The following TRPM1 variants were observed in gnomAD, a reference collection of about 807,000 sequenced individuals.
TRPM1 encodes the protein transient receptor potential cation channel subfamily M member 1, also known as TRPM1-203 APA Isoform, Intron 10.
Under a neutral mutation model 149.4 loss-of-function variants are expected in TRPM1, and 113 were observed. The ratio of observed to expected loss-of-function variants is 0.76; its 90% confidence interval spans 0.65 to 0.88. The LOEUF (loss-of-function observed/expected upper bound fraction) is 0.88, where lower values mean the gene tolerates loss of function less well. TRPM1 is among the 40% of genes least tolerant of loss of function. The pLI is 0.00. For synonymous variants in TRPM1, 741 were observed against 759.5 expected (o/e 0.98, Z 0.40); for missense variants, 1,976 against 2,038.7 (o/e 0.97, Z 0.59).
chr15:31,113,484 A>C (rs530061346), intron 1 of TRPM1, among the ~76,000 whole-genome samples: 3 of 152,058 alleles, frequency 2.0e-5, no homozygotes, highest in Non-Finnish European at 4.4e-5. Flanking sequence ...GGGTCAAACA[A>C]TATCTTAAAG....
rs775040492 is a variant in TRPM1 at position 31,026,218 on chromosome 15, A to G, written c.3550T>C (p.Cys1184Arg). ...LKRLHEFEEQCVQEHFREKED... is the reference protein window; with the variant it reads ...LKRLHEFEEQRVQEHFREKED... ...TTCTCCCGGAAGTGCTCCTGCACGC[A>G]CTGCTCCTCGAACTCATGCAGCCTC... is the stretch of plus-strand genomic sequence containing the variant. The change falls in exon 27 of 28, where the codon TGC (cysteine) becomes CGC (arginine). Residue 1184 changes from cysteine (C) to arginine (R), a missense_variant. Around this residue, in one of 3 missense-constraint regions of TRPM1, gnomAD observed 572 missense variants for 578.9 expected, o/e 0.99. Coordinates refer to ENST00000256552, the MANE Select transcript of TRPM1 (RefSeq NM_001252024.2). 11 of 1,612,434 alleles carry G rather than the reference A, an allele frequency of 6.8e-6. No individual in the cohort carries two copies. The highest frequency in any genetic ancestry group is 1.3e-5 in the African/African-American group (1 of 74,948).
intron 2 of TRPM1, among the ~76,000 whole-genome samples, chr15:31,080,965 G>C (rs1342270187): frequency 6.6e-6 from 1 of 152,106 alleles, no homozygotes; most frequent in Non-Finnish European, 1.5e-5. Flanking sequence ...GGCGGATGAG[G>C]GAGCAACAAC....
Position 31,084,023 on chromosome 15 carries a change from G to A in TRPM1, c.-83-2585C>T, listed in dbSNP as rs141646018. Among the ~76,000 whole-genome samples, 93 of 152,156 alleles carry A rather than the reference G, an allele frequency of 6.1e-4. 1 individual carries two copies. Among genetic ancestry groups the A allele is most frequent in the African/African-American group, 2.2e-3 (90 of 41,512 alleles). Reference sequence around the variant, plus strand: ...TGGCTTGCAGGAAATGCTGGAGGTCGTCACAGCCGACCCCTCTCCTGGGCC... The same window carrying A: ...TGGCTTGCAGGAAATGCTGGAGGTCATCACAGCCGACCCCTCTCCTGGGCC... On this transcript the variant is annotated intron_variant, in intron 1 of 27. Transcript: ENST00000256552.
rs754926049 is a variant in TRPM1, at chr15:31,040,100, G to A, written c.2316+18C>T. On this transcript the variant is annotated intron_variant, in intron 18 of 27. Transcript: ENST00000256552. This position sits in a 1 kb window ranked among gnomAD's most constrained non-coding sequence, Gnocchi z 4.2. The stretch of plus-strand genomic sequence containing the variant: ...TGTCACTGTCACCCTGGCCCGCCTC[G>A]CAGCACGTTGCACGCACCTTCAGGC... 49 of 1,611,336 alleles carry A rather than the reference G, an allele frequency of 3.0e-5. No homozygotes were observed. Among genetic ancestry groups the A allele is most frequent in the South Asian group, 1.2e-4 (11 of 91,022 alleles).
In TRPM1 at chr15:31,148,875, G is replaced by T. The variant is rs1256225439; in HGVS notation, c.54+12031C>A. Reference sequence around the variant, plus strand: ...AGCTGGGTGGTCTGATGGTTCCCTAGGCATGCTGGGAGCCAGGCAGCCAGG... The same window carrying T: ...AGCTGGGTGGTCTGATGGTTCCCTATGCATGCTGGGAGCCAGGCAGCCAGG... On this transcript the variant is annotated intron_variant, in intron 1 of 26. Coordinates refer to the TRPM1 transcript ENST00000542188. 3.9e-5 allele frequency among the ~76,000 whole-genome samples: 6 copies of T among 152,272 alleles called. No homozygotes were observed. In the South Asian group the frequency reaches 1.2e-3, roughly 32 times the overall value.
At chr15:31,069,870 A>C (rs2034482951) in intron 4 of TRPM1, 161 bp downstream of exon 4, 1 of 1,584,686 alleles carries the variant, frequency 6.3e-7, no homozygotes, top group Non-Finnish European at 8.5e-7. Flanking sequence ...CATGGCTAAA[A>C]GCCATGTGCA....
chr15:31,066,172 T>A lies in TRPM1; in HGVS notation c.694A>T (p.Ile232Phe). 2 of 1,614,102 alleles carry A rather than the reference T, an allele frequency of 1.2e-6. No homozygotes were observed. Among genetic ancestry groups the A allele is most frequent in the Middle Eastern group, 1.6e-4 (1 of 6,062 alleles). The change falls in exon 7 of 28, where the codon ATC (isoleucine) becomes TTC (phenylalanine). Residue 232 changes from isoleucine to phenylalanine, a missense_variant. Ile to Phe is a conservative substitution (Grantham distance 21). Transcript: ENST00000256552. ...SVLNNSHTHF[I>F]LADNGTLGKY... The stretch of plus-strand genomic sequence containing the variant: ...CCCAGGGTGCCATTGTCAGCCAGGA[T>A]GAAGTGGGTGTGGGAGTTGTTGAGC...
At chr15:31,089,641 T>C (rs971644111) in intron 1 of TRPM1, among the ~76,000 whole-genome samples, 1 of 152,152 alleles carries the variant, frequency 6.6e-6, no homozygotes, top group Non-Finnish European at 1.5e-5. Flanking sequence ...ATGAGACGGG[T>C]CCAGGCCCAG....
chr15:31,155,529 A>C (rs1260951742), intron 1 of TRPM1, among the ~76,000 whole-genome samples: 1 of 152,266 alleles, frequency 6.6e-6, no homozygotes, highest in Non-Finnish European at 1.5e-5. Context: ...GAAGTATCAA[A>C]ACATGTTTAA....
chr15:31,044,780 C>CAAA (rs58619377), intron 16 of TRPM1, among the ~76,000 whole-genome samples: 16 of 69,488 alleles, frequency 2.3e-4, no homozygotes, highest in African/African-American at 5.3e-4. Context: ...GACTCCTACT[C>CAAA]AAAAAAAAAA....
At chr15:31,088,908 A>G (rs564084613) in intron 1 of TRPM1, among the ~76,000 whole-genome samples, 6 of 152,214 alleles carry the variant, frequency 3.9e-5, no homozygotes, top group Middle Eastern at 6.8e-3. Context: ...TTTGCCTACC[A>G]GAAGTCTGGT....
Position 31,046,240 on chromosome 15 carries a change from G to A in TRPM1, c.1765-7C>T. ...GAAGTTTAAGAGCTTTAGGCTGCATGGTGAAAGAGGAAGAAAAAAAATCAA... is the reference window on the plus strand; with the variant it reads ...GAAGTTTAAGAGCTTTAGGCTGCATAGTGAAAGAGGAAGAAAAAAAATCAA... On this transcript the variant is annotated splice_region_variant and splice_polypyrimidine_tract_variant and intron_variant, in intron 15 of 27. Coordinates refer to ENST00000256552, the MANE Select transcript of TRPM1 (RefSeq NM_001252024.2). 1.2e-6 allele frequency: 2 copies of A among 1,610,714 alleles called. No individual in the cohort carries two copies. The highest frequency in any genetic ancestry group is 2.2e-5 in the East Asian group (1 of 44,810).
chr15:31,147,659 G>A (rs759804123), intron 1 of TRPM1, among the ~76,000 whole-genome samples: 3 of 152,206 alleles, frequency 2.0e-5, no homozygotes, highest in East Asian at 1.9e-4. Context: ...AGGTGCGAGC[G>A]AGGCCTGTGT....
chr15:31,020,833 T>C (rs1441011403), intron 27 of TRPM1, among the ~76,000 whole-genome samples: 1 of 152,194 alleles, frequency 6.6e-6, no homozygotes, highest in Non-Finnish European at 1.5e-5. Context: ...TCTGGTAGGC[T>C]TAGCGCGCAG....
upstream of TRPM1, among the ~76,000 whole-genome samples, chr15:31,103,086 A>C (rs1054670060): frequency 6.6e-6 from 1 of 152,250 alleles, no homozygotes; most frequent in Non-Finnish European, 1.5e-5. Flanking sequence ...GATGGCCGGC[A>C]CTGCCATGGC....
chr15:31,132,104 G>T (rs1473613578), intron 1 of TRPM1, among the ~76,000 whole-genome samples: 3 of 152,186 alleles, frequency 2.0e-5, no homozygotes, highest in Non-Finnish European at 2.9e-5. Flanking sequence ...GCCATTACGC[G>T]GATTACCCCT....
chr15:31,088,801 C>CGGGGG (rs370669193), intron 1 of TRPM1, among the ~76,000 whole-genome samples: 2 of 140,574 alleles, frequency 1.4e-5, no homozygotes, highest in African/African-American at 6.2e-5. Flanking sequence ...GTTCTTTCTG[C>CGGGGG]TGGGGGGATG....
intron 5 of TRPM1, 56 bp from the exon 6 acceptor site, chr15:31,067,243 T>C: frequency 6.2e-7 from 1 of 1,613,924 alleles, no homozygotes; most frequent in Non-Finnish European, 8.5e-7. Context: ...CACACCATCA[T>C]TCATGAAATT....
At chr15:31,071,980 C>CGAT (rs1448196967) in intron 3 of TRPM1, among the ~76,000 whole-genome samples, 1 of 77,290 alleles carries the variant, frequency 1.3e-5, no homozygotes, top group African/African-American at 6.4e-5. Flanking sequence ...AAAAAAAAAA[C>CGAT]ATATATATAT....
Sources: allele counts gnomAD v4.1 joint callset (sites outside exome capture counted in the v4.1 genomes callset), GRCh38; gene constraint gnomAD v4.1.1; regional missense constraint gnomAD v4.1.1; non-coding constraint Gnocchi (gnomAD v3.1); transcripts MANE v1.5; gene names NCBI Gene and HGNC (gene_info 2026-07-23, HGNC 2026-07-21).